Variants in NBEA observed in about 807,000 individuals in gnomAD.
NBEA encodes the protein neurobeachin.
Under a neutral mutation model 343.4 loss-of-function variants are expected in NBEA, and 44 were observed. The ratio of observed to expected loss-of-function variants is 0.13; its 90% confidence interval spans 0.10 to 0.16. The LOEUF (loss-of-function observed/expected upper bound fraction) is 0.16. Ranked by LOEUF, NBEA falls within the 10% of genes least tolerant of loss-of-function variation. The probability of loss-of-function intolerance (pLI) is 1.00; values close to 1 mark genes in which losing one functional copy is unlikely to be tolerated. For missense variants in NBEA, 2,555 were observed against 3,631.3 expected (o/e 0.70, Z 7.62); for synonymous variants, 1,175 against 1,238.7 (o/e 0.95, Z 1.08).
At chr13:35,358,355 C>G (rs372964083) in intron 38 of NBEA, among the ~76,000 whole-genome samples, 4 of 151,902 alleles carry the variant, frequency 2.6e-5, no homozygotes, top group African/African-American at 9.7e-5. Context: ...TCTATTTGTG[C>G]AAAACAGATA....
At chr13:35,591,391 G>A (rs1302579132) in intron 46 of NBEA, among the ~76,000 whole-genome samples, 1 of 151,800 alleles carries the variant, frequency 6.6e-6, no homozygotes, top group African/African-American at 2.4e-5. Context: ...CATCTAAAAA[G>A]CAAATAAATT....
In NBEA at chr13:35,059,743, CAT is replaced by C. The variant is rs71078077; in HGVS notation, c.1239+896_1239+897del. ...TGCATTGGTATTTCTCTTTGTATGT[CAT>C]ATATATATATATATACAGAGAGAGA... On this transcript the variant is annotated intron_variant, in intron 8 of 58. Coordinates refer to ENST00000379939, the MANE Select transcript of NBEA (RefSeq NM_001385012.1). Among the ~76,000 whole-genome samples the C allele has an allele frequency of 6.7e-3, 980 of 145,662 alleles. 11 individuals carry two copies. Among genetic ancestry groups the C allele is most frequent in the African/African-American group, 0.023 (922 of 39,804 alleles).
At chr13:35,128,706 A>C (rs955262808) in intron 17 of NBEA, among the ~76,000 whole-genome samples, 15 of 152,116 alleles carry the variant, frequency 9.9e-5, no homozygotes, top group Non-Finnish European at 1.9e-4. Context: ...CAACTCATCT[A>C]AAGGGGCCTA....
At chr13:35,038,135 C>T (rs559869695) in intron 1 of NBEA, among the ~76,000 whole-genome samples, 2 of 152,274 alleles carry the variant, frequency 1.3e-5, no homozygotes, top group African/African-American at 2.4e-5. Flanking sequence ...GGAGCCTCAC[C>T]CCTTAGCCAC....
At chr13:35,403,842 T>C (rs1481261019) in intron 38 of NBEA, among the ~76,000 whole-genome samples, 2 of 152,128 alleles carry the variant, frequency 1.3e-5, no homozygotes, top group African/African-American at 4.8e-5. Context: ...GAGAAAATTT[T>C]CGCGACCTAC....
At chr13:35,272,009 C>T (rs2034202480) in intron 34 of NBEA, among the ~76,000 whole-genome samples, 1 of 152,068 alleles carries the variant, frequency 6.6e-6, no homozygotes. Context: ...CAGAGAACAC[C>T]ACAAAGATAC....
At chr13:35,108,899 AT>A (rs2066048538) in intron 11 of NBEA, among the ~76,000 whole-genome samples, 2 of 152,214 alleles carry the variant, frequency 1.3e-5, no homozygotes, top group African/African-American at 2.4e-5. Context: ...TATTTTACAT[AT>A]TTTTAAGCAG....
At chr13:35,163,069 A>C (rs960677892) in intron 23 of NBEA, among the ~76,000 whole-genome samples, 3 of 152,192 alleles carry the variant, frequency 2.0e-5, no homozygotes, top group African/African-American at 7.2e-5. Context: ...ATGTAATTTG[A>C]TAATTATAAT....
intron 38 of NBEA, among the ~76,000 whole-genome samples, chr13:35,400,016 CAGT>C (rs1463238042): frequency 1.4e-5 from 1 of 70,954 alleles, no homozygotes; most frequent in Non-Finnish European, 4.3e-5. Flanking sequence ...CACCCTAAAA[CAGT>C]TGTAGTAACA....
At chr13:35,132,408 C>G (rs181822929) in intron 17 of NBEA, among the ~76,000 whole-genome samples, 32 of 152,270 alleles carry the variant, frequency 2.1e-4, no homozygotes, top group African/African-American at 7.2e-4. Flanking sequence ...GATCTGCCCA[C>G]CCCAGCCTCC....
At chr13:35,289,561 T>G (rs1480867331) in intron 34 of NBEA, among the ~76,000 whole-genome samples, 3 of 151,878 alleles carry the variant, frequency 2.0e-5, no homozygotes, top group African/African-American at 7.2e-5. Flanking sequence ...GAAAAAATCT[T>G]GATAACTTCA....
intron 45 of NBEA, among the ~76,000 whole-genome samples, chr13:35,583,116 G>GCTA (rs2153037888): frequency 6.6e-6 from 1 of 152,284 alleles, no homozygotes; most frequent in East Asian, 1.9e-4. Context: ...AAAAACTGAA[G>GCTA]CTAAGGCAGT....
chr13:35,627,941 C>T (rs2083297264), intron 48 of NBEA, 140 bp from the exon 49 acceptor site: 1 of 576,988 alleles, frequency 1.7e-6, no homozygotes, highest in Non-Finnish European at 2.8e-6. Flanking sequence ...AACTGAAGAT[C>T]TGATACATAT....
intron 40 of NBEA, among the ~76,000 whole-genome samples, 151 bp downstream of exon 40, chr13:35,452,386 A>G (rs541366685): frequency 3.7e-4 from 56 of 152,334 alleles, no homozygotes; most frequent in Middle Eastern, 3.4e-3. Context: ...CTCATTTCTA[A>G]TATTGAAGAG....
chr13:35,045,228 T>A, intron 3 of NBEA, 78 bp from the exon 4 acceptor site: 1 of 1,273,176 alleles, frequency 7.9e-7, no homozygotes, highest in East Asian at 2.5e-5. Context: ...TAGAAAACAG[T>A]CCAATGGGTA....
intron 47 of NBEA, among the ~76,000 whole-genome samples, chr13:35,601,671 A>T (rs2082051366): frequency 6.6e-6 from 1 of 150,732 alleles, no homozygotes; most frequent in South Asian, 2.1e-4. Flanking sequence ...CTGAGGCAGA[A>T]GAATCGCTTG....
chr13:35,358,961 A>G (rs1386361443), intron 38 of NBEA, among the ~76,000 whole-genome samples: 1 of 152,122 alleles, frequency 6.6e-6, no homozygotes, highest in East Asian at 1.9e-4. Context: ...GAAAAACAGA[A>G]TGAACAAAAA....
chr13:35,195,176 A>G (rs987942706), intron 30 of NBEA, among the ~76,000 whole-genome samples: 3 of 152,246 alleles, frequency 2.0e-5, no homozygotes, highest in South Asian at 4.1e-4. Context: ...ATAGAGAAAT[A>G]TAAGAATTTC....
At chr13:34,989,876 C>G (rs952823436) in intron 1 of NBEA, among the ~76,000 whole-genome samples, 1 of 151,030 alleles carries the variant, frequency 6.6e-6, no homozygotes, top group Admixed American at 6.6e-5. Flanking sequence ...AGGCATTGGG[C>G]AAATGTTCCC....
Sources: allele counts gnomAD v4.1 joint callset (sites outside exome capture counted in the v4.1 genomes callset), GRCh38; gene constraint gnomAD v4.1.1; transcripts MANE v1.5; gene names NCBI Gene and HGNC (gene_info 2026-07-23, HGNC 2026-07-21).